The following ASXL2 variants were observed in gnomAD, a reference collection of about 807,000 sequenced individuals.
ASXL2 encodes putative Polycomb group protein ASXL2.
In ASXL2, 23 loss-of-function variants were observed where a neutral mutation model predicts 122.0. That is an observed-to-expected ratio of 0.19 (90% CI 0.14 to 0.27). ASXL2 has a LOEUF of 0.27. Ranked by LOEUF, ASXL2 falls within the 10% of genes least tolerant of loss-of-function variation. The pLI is 1.00. For missense variants in ASXL2, 1,518 were observed against 1,713.8 expected (o/e 0.89, Z 2.02); for synonymous variants, 650 against 637.0 (o/e 1.02, Z -0.31).
At chr2:25,865,454 T>C (rs2089891229) in intron 1 of ASXL2, among the ~76,000 whole-genome samples, 1 of 139,336 alleles carries the variant, frequency 7.2e-6, no homozygotes, top group African/African-American at 2.7e-5. Context: ...AAAATAAAAA[T>C]GTTATAAAAA....
At chr2:25,840,913 G>A (rs371961691) in intron 2 of ASXL2, among the ~76,000 whole-genome samples, 9 of 152,302 alleles carry the variant, frequency 5.9e-5, no homozygotes, top group East Asian at 3.9e-4. Flanking sequence ...ATTAAGGTCC[G>A]AGGAATGAAA....
chr2:25,744,470 C>A lies in ASXL2; in HGVS notation c.1867G>T (p.Val623Phe). The change falls in exon 13 of 13, where the codon GTC becomes TTC. Residue 623 changes from valine to phenylalanine, a missense_variant. Physicochemically the swap from Val to Phe is conservative, Grantham distance 50. This residue lies in a region of ASXL2 where 292 missense variants were observed against 293.5 expected (regional missense o/e 1.00). Transcript: ENST00000435504. This position sits in a 1 kb window ranked among gnomAD's most constrained non-coding sequence, Gnocchi z 4.7. The stretch of plus-strand genomic sequence containing the variant: ...AACGGCATGGGGGAGATTCTGGAGA[C>A]CGGGATCTGAAAGAAGTAGAGGGGA... ...VRKVPPLKIP[V>F]SRISPMPFHP... 1 of 1,590,602 alleles carries A rather than the reference C, an allele frequency of 6.3e-7. No individual in the cohort carries two copies. Among genetic ancestry groups the A allele is most frequent in the South Asian group, 1.1e-5 (1 of 88,810 alleles).
chr2:25,742,180 G>T lies in ASXL2; in HGVS notation c.4157C>A (p.Ala1386Glu). 1 of 1,614,028 alleles carries T rather than the reference G, an allele frequency of 6.2e-7. No individual in the cohort carries two copies. Among genetic ancestry groups the T allele is most frequent in the Non-Finnish European group, 8.5e-7 (1 of 1,179,896 alleles). The change falls in exon 13 of 13, where the codon GCG (alanine) becomes GAG (glutamate). Residue 1386 changes from alanine (A) to glutamate (E), a missense_variant. Ala to Glu is a moderately radical substitution (Grantham distance 107, BLOSUM62 -1). This residue lies in a region of ASXL2 where 831 missense variants were observed against 833.1 expected (regional missense o/e 1.00). Transcript: ENST00000435504. ...CTCTATGCTGTTCTCTTCGGAGAAC[G>T]CCTGAACAGGAATGGTCTGGCCATG... Reference protein sequence around the residue: ...SSHGQTIPVQAFSEENSIEGT... With the variant: ...SSHGQTIPVQEFSEENSIEGT...
rs1031528537 is a variant in ASXL2, at chr2:25,821,535, GAGC to G, written c.143+14000_143+14002del. 3.2e-4 allele frequency among the ~76,000 whole-genome samples: 48 copies of G among 152,180 alleles called. 1 individual carries two copies. The highest frequency in any genetic ancestry group is 6.6e-4 in the Non-Finnish European group (45 of 68,026). On this transcript the variant is annotated intron_variant, in intron 3 of 12. Transcript: ENST00000435504. Reference sequence around the variant, plus strand: ...TCCCAGCACTTTGGGAGGCCACAGCGAGCAGATCACTCGAGGTCAGGAGTTGGA... The same window carrying G: ...TCCCAGCACTTTGGGAGGCCACAGCGAGATCACTCGAGGTCAGGAGTTGGA...
At chr2:25,804,642 G>C (rs563433563) in intron 4 of ASXL2, among the ~76,000 whole-genome samples, 24 of 152,250 alleles carry the variant, frequency 1.6e-4, no homozygotes, top group Non-Finnish European at 3.1e-4. Context: ...AGAATTTTCA[G>C]TTACATAAGC....
chr2:25,786,059 T>C (rs1213017351), intron 5 of ASXL2, among the ~76,000 whole-genome samples: 2 of 152,136 alleles, frequency 1.3e-5, no homozygotes, highest in Non-Finnish European at 2.9e-5. Context: ...GAACACAAGG[T>C]TGGTTTAACA....
At chr2:25,826,584 A>G (rs2089380143) in intron 3 of ASXL2, among the ~76,000 whole-genome samples, 1 of 151,930 alleles carries the variant, frequency 6.6e-6, no homozygotes, top group African/African-American at 2.4e-5. Context: ...TTAATCCCCA[A>G]TCTCTTGTCC....
intron 3 of ASXL2, among the ~76,000 whole-genome samples, chr2:25,808,729 A>G (rs1256343803): frequency 6.6e-6 from 1 of 152,182 alleles, no homozygotes; most frequent in Non-Finnish European, 1.5e-5. Context: ...CACTTGTGTC[A>G]ATATTTGGTA....
chr2:25,840,430 A>T (rs2149190717), intron 2 of ASXL2, among the ~76,000 whole-genome samples: 1 of 152,344 alleles, frequency 6.6e-6, no homozygotes, highest in East Asian at 1.9e-4. Flanking sequence ...GGCATTAAGT[A>T]CATTCACAAT....
chr2:25,828,516 AAAAAT>A (rs1276241112), intron 3 of ASXL2, among the ~76,000 whole-genome samples: 9 of 134,934 alleles, frequency 6.7e-5, no homozygotes, highest in Non-Finnish European at 8.3e-5. Context: ...TTCAAAAAAA[AAAAAT>A]AAAAAGAAAA....
At chr2:25,865,472 T>A (rs1307629603) in intron 1 of ASXL2, among the ~76,000 whole-genome samples, 3 of 150,324 alleles carry the variant, frequency 2.0e-5, no homozygotes, top group East Asian at 2.0e-4. Context: ...AAATTTTTTT[T>A]AAATCCAAAT....
chr2:25,784,330 T>C (rs1157166094), intron 5 of ASXL2, among the ~76,000 whole-genome samples: 1 of 152,126 alleles, frequency 6.6e-6, no homozygotes, highest in East Asian at 1.9e-4. Context: ...TGGCTGCAAG[T>C]CTCACTTAAG....
chr2:25,828,302 C>T (rs535749244), intron 3 of ASXL2, among the ~76,000 whole-genome samples: 13 of 151,498 alleles, frequency 8.6e-5, no homozygotes, highest in African/African-American at 3.1e-4. Context: ...GTCAGGAGTT[C>T]GAGACCAGCC....
chr2:25,736,863 T>C lies in ASXL2; in HGVS notation c.*5166A>G, dbSNP rs1488429223. 1.3e-5 allele frequency: 2 copies of C among 152,190 alleles called. No homozygotes were observed. The highest frequency in any genetic ancestry group is 2.9e-5 in the Non-Finnish European group (2 of 68,022). The allele number at this position is 152,190 out of a possible 1,614,324, so 9.4% of individuals were successfully genotyped here. A position where few individuals can be genotyped will look rare whatever the true frequency, so the allele number is the denominator to read the frequency against. On this transcript the variant is annotated 3_prime_UTR_variant, in exon 13 of 13. Transcript: ENST00000435504. ...GATATATTATTCATTTGTTAAAAAA[T>C]GGGCTATATACTTTTCTTTATAAAG... is the stretch of plus-strand genomic sequence containing the variant.
chr2:25,769,891 C>T (rs1022237876), intron 6 of ASXL2, among the ~76,000 whole-genome samples: 2 of 152,224 alleles, frequency 1.3e-5, no homozygotes, highest in Admixed American at 1.3e-4. Flanking sequence ...CAAATGATCT[C>T]CTCACTCTAA....
chr2:25,803,992 T>C (rs1445302505), intron 4 of ASXL2, among the ~76,000 whole-genome samples: 2 of 152,168 alleles, frequency 1.3e-5, no homozygotes, highest in African/African-American at 2.4e-5. Flanking sequence ...TGGTTTTTTT[T>C]TCCCCCCAAT....
At chr2:25,869,502 T>C (rs1035602418) in intron 1 of ASXL2, among the ~76,000 whole-genome samples, 1 of 152,146 alleles carries the variant, frequency 6.6e-6, no homozygotes, top group Non-Finnish European at 1.5e-5. Flanking sequence ...ATAGACAGAA[T>C]TTCCTTCTTC....
chr2:25,821,140 C>CAAG (rs1290077608), intron 3 of ASXL2, among the ~76,000 whole-genome samples: 3 of 152,102 alleles, frequency 2.0e-5, no homozygotes, highest in Non-Finnish European at 4.4e-5. Flanking sequence ...GATCGCGCCA[C>CAAG]TGCACTCCAG....
intron 1 of ASXL2, among the ~76,000 whole-genome samples, chr2:25,866,770 T>C (rs2089908498): frequency 6.6e-6 from 1 of 152,308 alleles, no homozygotes; most frequent in South Asian, 2.1e-4. Flanking sequence ...TCTTGCTCTG[T>C]TGCCCAGGCT....
Sources: allele counts gnomAD v4.1 joint callset (sites outside exome capture counted in the v4.1 genomes callset), GRCh38; gene constraint gnomAD v4.1.1; regional missense constraint gnomAD v4.1.1; non-coding constraint Gnocchi (gnomAD v3.1); transcripts MANE v1.5; gene names NCBI Gene and HGNC (gene_info 2026-07-23, HGNC 2026-07-21).